CCNB3: variants seen among roughly 807,000 people sequenced by gnomAD.
CCNB3 encodes G2/mitotic-specific cyclin-B3.
CCNB3 carries 12 observed loss-of-function variants against 68.0 expected under a neutral mutation model. That is an observed-to-expected ratio of 0.18 (90% CI 0.11 to 0.29). The LOEUF (loss-of-function observed/expected upper bound fraction) is 0.29, where lower values mean the gene tolerates loss of function less well. Ranked by LOEUF, CCNB3 falls within the 10% of genes least tolerant of loss-of-function variation. CCNB3 has a pLI of 1.00. For missense variants in CCNB3, 904 were observed against 993.1 expected (o/e 0.91, Z 1.21); for synonymous variants, 354 against 388.9 (o/e 0.91, Z 1.06).
intron 2 of CCNB3, 109 bp from the exon 3 acceptor site, chrX:50,285,018 T>C: frequency 2.2e-6 from 1 of 453,003 alleles, no homozygotes; most frequent in Non-Finnish European, 3.8e-6. Flanking sequence ...AACATCAAAA[T>C]CTGTTTTCTC....
intron 1 of CCNB3, among the ~76,000 whole-genome samples, chrX:50,280,542 C>T (rs1329322305): frequency 2.7e-5 from 3 of 109,302 alleles, no homozygotes; most frequent in African/African-American, 9.9e-5. Flanking sequence ...ATTAACTTAA[C>T]TACTATTAGC....
Position 50,346,666 on chromosome X carries a change from T to G in CCNB3, c.3669T>G (p.Pro1223=). Residue 1223 remains proline, a synonymous_variant, in exon 10 of 13, where the codon CCT becomes CCG. Transcript: ENST00000376042. ...TCCACCCATAGGAGCACAACTCACC[T>G]CGTGTGGATGACTTTGTGTACATCT... ...IAAKFEEHNS[P]RVDDFVYICD... is the part of the protein sequence containing the mutation. 1.7e-6 allele frequency: 2 copies of G among 1,210,609 alleles called. No homozygotes were observed. The highest frequency in any genetic ancestry group is 2.2e-6 in the Non-Finnish European group (2 of 894,850).
At chrX:50,226,728 A>G (rs1935833170) in intron 1 of CCNB3, among the ~76,000 whole-genome samples, 1 of 81,221 alleles carries the variant, frequency 1.2e-5, no homozygotes, top group Non-Finnish European at 2.2e-5. Flanking sequence ...CAGAATATAC[A>G]TATGAATATG....
chrX:50,224,211 G>A (rs1741641131), intron 1 of CCNB3, among the ~76,000 whole-genome samples: 1 of 110,793 alleles, frequency 9.0e-6, no homozygotes, highest in African/African-American at 3.3e-5. Flanking sequence ...GTATTTTCAT[G>A]GTTCCATTTT....
intron 12 of CCNB3, 39 bp downstream of exon 12, chrX:50,351,410 A>G (rs1557221152): frequency 2.5e-6 from 3 of 1,198,914 alleles, no homozygotes; most frequent in Non-Finnish European, 3.4e-6. Flanking sequence ...GTTTGTGTTC[A>G]TTTATTGGGA....
intron 1 of CCNB3, among the ~76,000 whole-genome samples, chrX:50,206,027 G>T (rs1427398466): frequency 9.2e-6 from 1 of 108,252 alleles, no homozygotes; most frequent in Admixed American, 9.9e-5. Context: ...GAGGCAGGCG[G>T]ATCACGAGAT....
intron 8 of CCNB3, among the ~76,000 whole-genome samples, chrX:50,332,197 T>C (rs1922630497): frequency 9.0e-6 from 1 of 111,530 alleles, no homozygotes; most frequent in African/African-American, 3.3e-5. Flanking sequence ...ACTTTACTTA[T>C]ATCATTTACG....
chrX:50,280,949 T>C (rs1936125659), intron 1 of CCNB3, among the ~76,000 whole-genome samples: 2 of 109,307 alleles, frequency 1.8e-5, no homozygotes, highest in African/African-American at 6.7e-5. Flanking sequence ...TTTGTAGAGA[T>C]GGGGTTTTTC....
chrX:50,220,271 C>A (rs1935646555), intron 1 of CCNB3, among the ~76,000 whole-genome samples: 1 of 111,519 alleles, frequency 9.0e-6, no homozygotes, highest in African/African-American at 3.3e-5. Flanking sequence ...CTTTCTCTTG[C>A]CTGATTGCCC....
rs1294525094 is a variant in CCNB3, at chrX:50,218,781, C to T, written c.-113+13831C>T. On this transcript the variant is annotated intron_variant, in intron 1 of 12. Transcript: ENST00000376042. The stretch of plus-strand genomic sequence containing the variant: ...CTTTATAGTAGAGTGATTTATAATC[C>T]TTTGGGCATATACCCAGTGATGGGA... Among the ~76,000 whole-genome samples the T allele has an allele frequency of 5.4e-5, 6 of 111,787 alleles. No homozygotes were observed. The East Asian group carries it at 1.7e-3, about 31-fold the overall frequency.
At chrX:50,223,608 A>G (rs1035479970) in intron 1 of CCNB3, among the ~76,000 whole-genome samples, 4 of 112,173 alleles carry the variant, frequency 3.6e-5, no homozygotes, top group Non-Finnish European at 7.5e-5. Flanking sequence ...GCAGAAAAGC[A>G]AAGATTGCTG....
At chrX:50,292,434 T>C (rs1557210236) in intron 4 of CCNB3, among the ~76,000 whole-genome samples, 2 of 111,380 alleles carry the variant, frequency 1.8e-5, no homozygotes, top group African/African-American at 6.5e-5. Flanking sequence ...GTGACTAGAT[T>C]GATACATTCT....
intron 8 of CCNB3, among the ~76,000 whole-genome samples, chrX:50,341,011 T>G (rs938475131): frequency 2.7e-5 from 3 of 110,976 alleles, no homozygotes; most frequent in Admixed American, 9.5e-5. Context: ...AGAGGAAAAT[T>G]TATAGCAAAA....
intron 8 of CCNB3, among the ~76,000 whole-genome samples, chrX:50,335,010 C>G (rs1304008205): frequency 8.9e-6 from 1 of 111,873 alleles, no homozygotes. Flanking sequence ...TCTTGGACAC[C>G]TTATACCCAC....
chrX:50,309,950 C>T lies in CCNB3; in HGVS notation c.1781C>T (p.Thr594Ile). 1 of 1,210,017 alleles carries T rather than the reference C, an allele frequency of 8.3e-7. No individual in the cohort carries two copies. The highest frequency in any genetic ancestry group is 1.1e-6 in the Non-Finnish European group (1 of 894,227). The change falls in exon 6 of 13, where the codon ACT becomes ATT. Residue 594 changes from threonine to isoleucine, a missense_variant. Around this residue, in one of 2 missense-constraint regions of CCNB3, gnomAD observed 619 missense variants for 609.8 expected, o/e 1.02. Transcript: ENST00000376042. ...TTGTCTTTACAGGAAAAGAAAATTA[C>T]TCAGGGGAAGATGTCCCACTTAAAG... ...TSLSLQEKKI[T>I]QGKMSHLKKP...
intron 1 of CCNB3, among the ~76,000 whole-genome samples, chrX:50,228,701 A>G (rs1935984171): frequency 1.2e-5 from 1 of 81,912 alleles, no homozygotes; most frequent in African/African-American, 4.9e-5. Flanking sequence ...CATAGAATAT[A>G]TATAGAATAT....
intron 11 of CCNB3, 57 bp from the exon 12 acceptor site, chrX:50,351,184 A>T: frequency 8.4e-7 from 1 of 1,185,182 alleles, no homozygotes; most frequent in Non-Finnish European, 1.1e-6. Flanking sequence ...GATAGCAGAG[A>T]TGGAGGAACG....
At chrX:50,332,352 A>G (rs62593594) in intron 8 of CCNB3, among the ~76,000 whole-genome samples, 11,579 of 111,088 alleles carry the variant, frequency 0.1, 635 homozygotes, top group Non-Finnish European at 0.16. Context: ...TGTTCCTTTT[A>G]AAGTTCCTAG....
intron 4 of CCNB3, 44 bp downstream of exon 4, chrX:50,288,931 CT>C: frequency 1.2e-6 from 1 of 858,241 alleles, no homozygotes; most frequent in South Asian, 2.4e-5. Context: ...TTGCATAAGG[CT>C]TAGACATGCT....
Sources: allele counts gnomAD v4.1 joint callset (sites outside exome capture counted in the v4.1 genomes callset), GRCh38; gene constraint gnomAD v4.1.1; regional missense constraint gnomAD v4.1.1; transcripts MANE v1.5; gene names NCBI Gene and HGNC (gene_info 2026-07-23, HGNC 2026-07-21).